The following CALD1 variants were observed in gnomAD, a reference collection of about 807,000 sequenced individuals.
CALD1 encodes the protein caldesmon.
Under a neutral mutation model 99.9 loss-of-function variants are expected in CALD1, and 33 were observed. The observed-to-expected ratio is 0.33, with a 90% CI of 0.25 to 0.44. The LOEUF (loss-of-function observed/expected upper bound fraction) is 0.44, where lower values mean the gene tolerates loss of function less well. Among genes scored for constraint, CALD1 ranks in the 20% least tolerant of loss-of-function variants. CALD1 has a pLI of 1.00. For synonymous variants in CALD1, 310 were observed against 325.0 expected (o/e 0.95, Z 0.50); for missense variants, 861 against 962.1 (o/e 0.89, Z 1.39).
At chr7:134,872,357 CAAAA>C (rs35569742) in intron 3 of CALD1, among the ~76,000 whole-genome samples, 3 of 100,406 alleles carry the variant, frequency 3.0e-5, no homozygotes, top group Admixed American at 1.2e-4. Context: ...GACTCGGTCT[CAAAA>C]AAAAAAAAAA....
At chr7:134,811,668 C>A (rs897593289) in intron 1 of CALD1, among the ~76,000 whole-genome samples, 2 of 152,044 alleles carry the variant, frequency 1.3e-5, no homozygotes, top group East Asian at 3.9e-4. Context: ...TATTTACAAG[C>A]GATCTAGTAA....
At chr7:134,812,128 TG>T (rs1798374259) in intron 1 of CALD1, among the ~76,000 whole-genome samples, 1 of 152,156 alleles carries the variant, frequency 6.6e-6, no homozygotes, top group African/African-American at 2.4e-5. Flanking sequence ...TTTGGAGGTT[TG>T]GGGAAAACTT....
intron 1 of CALD1, among the ~76,000 whole-genome samples, chr7:134,816,245 T>C (rs1798559547): frequency 1.3e-5 from 2 of 152,200 alleles, no homozygotes; most frequent in African/African-American, 4.8e-5. Flanking sequence ...TGTCTGATTA[T>C]ATAATGTGAT....
At chr7:134,739,903 C>A, upstream of CALD1, among the ~76,000 whole-genome samples, 1 of 150,686 alleles carries the variant, frequency 6.6e-6, no homozygotes, top group Non-Finnish European at 1.5e-5. Flanking sequence ...TAATTTTATT[C>A]TTAAGTCACC....
chr7:134,804,672 A>C (rs544682104), intron 1 of CALD1, among the ~76,000 whole-genome samples: 2 of 152,322 alleles, frequency 1.3e-5, no homozygotes, highest in Non-Finnish European at 2.9e-5. Flanking sequence ...GGACGACAAC[A>C]TTTCTTAGAA....
intron 1 of CALD1, among the ~76,000 whole-genome samples, chr7:134,761,975 C>T (rs187663231): frequency 6.6e-6 from 1 of 152,330 alleles, no homozygotes; most frequent in East Asian, 1.9e-4. Context: ...TCCCTACCAT[C>T]AGGCAACCTT....
At chr7:134,731,056 T>A in the CALD1 span, among the ~76,000 whole-genome samples, 1 of 152,194 alleles carries the variant, frequency 6.6e-6, no homozygotes, top group South Asian at 2.1e-4. Context: ...AGCACCTTCC[T>A]CCTCCACAGC....
At chr7:134,904,783 C>G (rs1474391111) in intron 3 of CALD1, among the ~76,000 whole-genome samples, 1 of 152,058 alleles carries the variant, frequency 6.6e-6, no homozygotes, top group Non-Finnish European at 1.5e-5. Flanking sequence ...TCCGTGAAGT[C>G]TGGGTATTAA....
At chr7:134,788,226 T>A (rs1443334415) in intron 1 of CALD1, among the ~76,000 whole-genome samples, 1 of 152,252 alleles carries the variant, frequency 6.6e-6, no homozygotes, top group African/African-American at 2.4e-5. Flanking sequence ...CACTATTATC[T>A]ATTCTCTTGA....
intron 2 of CALD1, among the ~76,000 whole-genome samples, chr7:134,862,467 A>C (rs1367115513): frequency 1.3e-5 from 2 of 152,196 alleles, no homozygotes; most frequent in Non-Finnish European, 2.9e-5. Flanking sequence ...CAATCAGAAA[A>C]GGCTACAGAC....
chr7:134,745,716 C>G (rs1405819761), intron 1 of CALD1: 1 of 152,228 alleles, frequency 6.6e-6, no homozygotes, highest in African/African-American at 2.4e-5. Flanking sequence ...TCTGGAGGAA[C>G]TGTCGTTTTG....
intron 1 of CALD1, among the ~76,000 whole-genome samples, chr7:134,791,022 A>C (rs538824061): frequency 6.6e-6 from 1 of 152,230 alleles, no homozygotes; most frequent in Non-Finnish European, 1.5e-5. Context: ...ATTGATTTAC[A>C]AAAGAAATTA....
intron 3 of CALD1, among the ~76,000 whole-genome samples, chr7:134,885,581 T>A (rs1801817157): frequency 6.6e-6 from 1 of 152,220 alleles, no homozygotes; most frequent in Non-Finnish European, 1.5e-5. Context: ...ATTGTGGAAA[T>A]ATTTAGACAC....
At chr7:134,953,973 G>A (rs1807574231) in intron 9 of CALD1, among the ~76,000 whole-genome samples, 1 of 152,196 alleles carries the variant, frequency 6.6e-6, no homozygotes, top group South Asian at 2.1e-4. Flanking sequence ...TGAAGAACTT[G>A]CTGTGACTCT....
At chr7:134,735,547 T>C in the CALD1 span, among the ~76,000 whole-genome samples, 1 of 147,646 alleles carries the variant, frequency 6.8e-6, no homozygotes, top group Non-Finnish European at 1.5e-5. Flanking sequence ...CTCTCTTTCT[T>C]TCCCTCCCCA....
chr7:134,761,886 A>G (rs1796781597), intron 1 of CALD1, among the ~76,000 whole-genome samples: 1 of 152,202 alleles, frequency 6.6e-6, no homozygotes, highest in Non-Finnish European at 1.5e-5. Flanking sequence ...AAATATTTGC[A>G]ATCAGGTCTT....
chr7:134,967,545 G>A (rs1808769027), intron 14 of CALD1, among the ~76,000 whole-genome samples: 1 of 152,116 alleles, frequency 6.6e-6, no homozygotes, highest in South Asian at 2.1e-4. Context: ...AGGGGTGTAA[G>A]AATAGGAGGG....
chr7:134,793,049 G>T (rs979686591), intron 1 of CALD1, among the ~76,000 whole-genome samples: 1 of 152,218 alleles, frequency 6.6e-6, no homozygotes, highest in Non-Finnish European at 1.5e-5. Context: ...ATGAAACCAC[G>T]GCGGCAGACC....
chr7:134,720,214 G>T, the CALD1 span, among the ~76,000 whole-genome samples: 1 of 148,158 alleles, frequency 6.7e-6, no homozygotes, highest in African/African-American at 2.5e-5. Flanking sequence ...TCCTTGCAGA[G>T]CATAGTTGAA....
Sources: gnomAD v4.1 joint callset for allele counts (sites outside exome capture counted in the v4.1 genomes callset) on GRCh38, gnomAD v4.1.1 for gene constraint, MANE v1.5 for transcripts, NCBI Gene and HGNC (gene_info 2026-07-23, HGNC 2026-07-21) for gene names.